Variants in SV2C observed in about 807,000 individuals in gnomAD.
SV2C encodes the protein synaptic vesicle glycoprotein 2C.
A neutral mutation model predicts 79.7 loss-of-function variants in SV2C; 49 were observed. The observed-to-expected ratio is 0.61, with a 90% CI of 0.49 to 0.78. SV2C has a LOEUF of 0.78. Ranked by LOEUF, SV2C falls within the 30% of genes least tolerant of loss-of-function variation. The probability of loss-of-function intolerance (pLI) is 0.00; values close to 1 mark genes in which losing one functional copy is unlikely to be tolerated. For synonymous variants in SV2C, 334 were observed against 333.2 expected, an observed-to-expected ratio of 1.00 and a Z score of -0.03; for missense variants, 833 against 912.9, an observed-to-expected ratio of 0.91 and a Z score of 1.13.
the SV2C span, among the ~76,000 whole-genome samples, chr5:75,988,115 G>A: frequency 6.6e-6 from 1 of 151,982 alleles, no homozygotes; most frequent in African/African-American, 2.4e-5. Context: ...TCATGTGCAT[G>A]TATGTGTGCA....
intron 2 of SV2C, among the ~76,000 whole-genome samples, chr5:76,184,320 A>C (rs1175514799): frequency 1.3e-5 from 2 of 151,968 alleles, no homozygotes; most frequent in Non-Finnish European, 2.9e-5. Context: ...CTCCCTCCCT[A>C]CCCTCATACT....
the SV2C span, among the ~76,000 whole-genome samples, chr5:76,055,711 A>C: frequency 6.6e-6 from 1 of 152,232 alleles, no homozygotes; most frequent in Non-Finnish European, 1.5e-5. Context: ...GAGGTCCTTC[A>C]TGTCCCTTGT....
intron 9 of SV2C, 180 bp downstream of exon 9, chr5:76,296,122 A>G (rs1561303361): frequency 4.2e-6 from 2 of 474,650 alleles, no homozygotes; most frequent in Non-Finnish European, 6.8e-6. Flanking sequence ...GTACAAATGT[A>G]TCCATTACTT....
the SV2C span, among the ~76,000 whole-genome samples, chr5:75,867,776 T>A: frequency 6.6e-6 from 1 of 152,210 alleles, no homozygotes; most frequent in Non-Finnish European, 1.5e-5. Flanking sequence ...CTTCTCATCT[T>A]GGGAGATCTT....
chr5:76,040,238 A>G, the SV2C span, among the ~76,000 whole-genome samples: 1 of 152,240 alleles, frequency 6.6e-6, no homozygotes, highest in East Asian at 1.9e-4. Flanking sequence ...TTGGCAAAAG[A>G]TAATTAGAAT....
intron 2 of SV2C, among the ~76,000 whole-genome samples, chr5:76,182,223 G>T (rs1743755703): frequency 6.6e-6 from 1 of 152,032 alleles, no homozygotes; most frequent in South Asian, 2.1e-4. Flanking sequence ...AGTAGAATGA[G>T]GGTTTCTGTT....
Position 76,325,444 on chromosome 5 carries a change from G to A in SV2C, c.2081G>A (p.Ser694Asn). The part of the protein sequence containing the change: ...LGNLIFGSLV[S>N]ITKSIPILLA... ...AACTTAATATTTGGCTCTCTGGTCA[G>A]CATCACCAAATCAATCCCCATCCTG... Residue 694 changes from serine (S) to asparagine (N), a missense_variant, in exon 13 of 13, where the codon AGC becomes AAC. Physicochemically the swap from Ser to Asn is conservative, Grantham distance 46. Coordinates refer to ENST00000502798, the MANE Select transcript of SV2C (RefSeq NM_014979.4). 1 of 1,614,218 alleles carries A rather than the reference G, an allele frequency of 6.2e-7. No individual in the cohort carries two copies. Among genetic ancestry groups the A allele is most frequent in the South Asian group, 1.1e-5 (1 of 91,086 alleles).
At chr5:76,194,127 TG>T (rs1744193102) in intron 2 of SV2C, among the ~76,000 whole-genome samples, 1 of 151,956 alleles carries the variant, frequency 6.6e-6, no homozygotes, top group African/African-American at 2.4e-5. Flanking sequence ...AGGGGCTGGG[TG>T]GGGGCAGTTC....
intron 12 of SV2C, among the ~76,000 whole-genome samples, chr5:76,342,887 T>C (rs1749469511): frequency 2.6e-5 from 1 of 38,102 alleles, no homozygotes; most frequent in African/African-American, 5.4e-5. Flanking sequence ...TCTCTCTCTC[T>C]TTTTTTTTTT....
intron 12 of SV2C, among the ~76,000 whole-genome samples, chr5:76,342,464 G>A (rs1020394262): frequency 5.9e-5 from 9 of 152,222 alleles, no homozygotes; most frequent in Non-Finnish European, 1.2e-4. Context: ...AATAATTTAC[G>A]AGGATGAATG....
At chr5:76,261,626 T>A (rs1410133718) in intron 4 of SV2C, among the ~76,000 whole-genome samples, 3 of 152,208 alleles carry the variant, frequency 2.0e-5, no homozygotes, top group Non-Finnish European at 4.4e-5. Flanking sequence ...CACCAATACC[T>A]AGTTTATTGA....
chr5:76,042,347 TC>T, the SV2C span, among the ~76,000 whole-genome samples: 2 of 152,220 alleles, frequency 1.3e-5, no homozygotes, highest in African/African-American at 4.8e-5. Context: ...CATTTCACCA[TC>T]TAAAAAATGA....
intron 2 of SV2C, among the ~76,000 whole-genome samples, chr5:76,189,478 G>A (rs919545720): frequency 2.0e-5 from 3 of 152,208 alleles, no homozygotes; most frequent in Non-Finnish European, 4.4e-5. Flanking sequence ...AGGCATGGTA[G>A]AAACCCCCTT....
chr5:75,968,202 A>AGT, the SV2C span, among the ~76,000 whole-genome samples: 10 of 152,048 alleles, frequency 6.6e-5, no homozygotes, highest in Non-Finnish European at 1.3e-4. Context: ...CAAAGCCACA[A>AGT]AGGTAAAACC....
At chr5:76,164,999 GA>G (rs201590366) in intron 2 of SV2C, among the ~76,000 whole-genome samples, 93 of 140,888 alleles carry the variant, frequency 6.6e-4, no homozygotes, top group African/African-American at 1.7e-3. Context: ...ATCATGACAA[GA>G]AAAAAAAGTC....
chr5:75,953,907 C>T, the SV2C span, among the ~76,000 whole-genome samples: 1 of 151,970 alleles, frequency 6.6e-6, no homozygotes, highest in Admixed American at 6.6e-5. Flanking sequence ...CCTGCACCTC[C>T]AAATGAACTG....
intron 4 of SV2C, among the ~76,000 whole-genome samples, chr5:76,280,697 C>T (rs4566771): frequency 0.11 from 16,498 of 152,164 alleles, 981 homozygotes; most frequent in African/African-American, 0.15. Context: ...CCGGGGGGTG[C>T]CTGGGAGGCA....
At chr5:76,306,682 C>T (rs900550136) in intron 12 of SV2C, among the ~76,000 whole-genome samples, 7 of 152,040 alleles carry the variant, frequency 4.6e-5, no homozygotes, top group African/African-American at 1.4e-4. Flanking sequence ...ACCATAGGCA[C>T]ATATAAATGA....
the SV2C span, among the ~76,000 whole-genome samples, chr5:76,017,975 C>A: frequency 3.3e-5 from 5 of 152,120 alleles, no homozygotes; most frequent in Non-Finnish European, 7.4e-5. Context: ...ATGAGGCATC[C>A]ATTTTGCTCA....
Sources: allele counts gnomAD v4.1 joint callset (sites outside exome capture counted in the v4.1 genomes callset), GRCh38; gene constraint gnomAD v4.1.1; transcripts MANE v1.5; gene names NCBI Gene and HGNC (gene_info 2026-07-23, HGNC 2026-07-21).